SLC39A11: variants seen among roughly 807,000 people sequenced by gnomAD.
SLC39A11 encodes zinc transporter ZIP11.
Under a neutral mutation model 36.1 loss-of-function variants are expected in SLC39A11, and 33 were observed. The observed-to-expected ratio is 0.91, with a 90% CI of 0.69 to 1.22. SLC39A11 has a LOEUF of 1.22. SLC39A11 is among the 50% of genes most tolerant of loss of function. SLC39A11 has a pLI of 0.00. For synonymous variants in SLC39A11, 166 were observed against 170.3 expected, an observed-to-expected ratio of 0.97 and a Z score of 0.20; for missense variants, 432 against 430.3, an observed-to-expected ratio of 1.00 and a Z score of -0.03.
At chr17:72,900,214 A>AAGG (rs2082316571) in intron 5 of SLC39A11, among the ~76,000 whole-genome samples, 1 of 151,522 alleles carries the variant, frequency 6.6e-6, no homozygotes, top group Non-Finnish European at 1.5e-5. Flanking sequence ...AGAAAGAAAG[A>AAGG]AAGAAAGAAA....
At chr17:72,796,283 C>T (rs568847004) in intron 6 of SLC39A11, among the ~76,000 whole-genome samples, 4 of 152,236 alleles carry the variant, frequency 2.6e-5, no homozygotes, top group African/African-American at 9.6e-5. Flanking sequence ...TCTCATCGTC[C>T]TCTTGGTAGC....
At chr17:72,816,442 A>C (rs528705480) in intron 6 of SLC39A11, among the ~76,000 whole-genome samples, 178 of 55,608 alleles carry the variant, frequency 3.2e-3, no homozygotes, top group Admixed American at 8.6e-3. Flanking sequence ...TCCCTTTCTT[A>C]ATTAGAAGCG....
At chr17:72,675,335 G>A (rs753145831) in intron 7 of SLC39A11, among the ~76,000 whole-genome samples, 3 of 152,136 alleles carry the variant, frequency 2.0e-5, no homozygotes, top group Non-Finnish European at 4.4e-5. Flanking sequence ...CACCATCTAC[G>A]AACCAGCAAG....
At chr17:73,080,688 T>C (rs1302356681) in intron 3 of SLC39A11, among the ~76,000 whole-genome samples, 1 of 152,176 alleles carries the variant, frequency 6.6e-6, no homozygotes, top group Non-Finnish European at 1.5e-5. Flanking sequence ...CTCACACCTG[T>C]GGTCCCAGCA....
chr17:72,696,601 C>T (rs2567513), intron 7 of SLC39A11, among the ~76,000 whole-genome samples: 123,830 of 152,026 alleles, frequency 0.81, 50,543 homozygotes, highest in South Asian at 0.87. Flanking sequence ...CCACGCTCCT[C>T]AGAGAAGCAT....
intron 7 of SLC39A11, among the ~76,000 whole-genome samples, chr17:72,649,807 G>A (rs1183305641): frequency 6.6e-6 from 1 of 151,962 alleles, no homozygotes; most frequent in Non-Finnish European, 1.5e-5. Context: ...TGGCCAGGCT[G>A]GTCTCCAACT....
At chr17:73,047,149 C>T (rs964165720) in intron 3 of SLC39A11, among the ~76,000 whole-genome samples, 13 of 151,774 alleles carry the variant, frequency 8.6e-5, no homozygotes, top group Non-Finnish European at 2.9e-5. Context: ...CTCAGCCTCC[C>T]GAGTAGCTGG....
At chr17:72,776,667 A>C (rs2076145655) in intron 6 of SLC39A11, among the ~76,000 whole-genome samples, 1 of 150,630 alleles carries the variant, frequency 6.6e-6, no homozygotes, top group African/African-American at 2.5e-5. Flanking sequence ...TGCTAGACAG[A>C]GGAAGAGAGA....
At chr17:72,805,138 T>G (rs2077209301) in intron 6 of SLC39A11, among the ~76,000 whole-genome samples, 1 of 152,292 alleles carries the variant, frequency 6.6e-6, no homozygotes, top group Admixed American at 6.5e-5. Context: ...ACCGCCCTCC[T>G]GTGTGTGTAA....
rs1219542528 is a variant in SLC39A11 at position 73,008,818 on chromosome 17, C to G, written c.306+22738G>C. 2.0e-5 allele frequency among the ~76,000 whole-genome samples: 3 copies of G among 152,118 alleles called. No individual in the cohort carries two copies. In the East Asian group the frequency reaches 5.8e-4, roughly 29 times the overall value. Reference sequence around the variant, plus strand: ...CCTGTAATCCCAGCACTTTGGGAGGCTGATGTGGAAGGATCACTTGGGCCC... The same window carrying G: ...CCTGTAATCCCAGCACTTTGGGAGGGTGATGTGGAAGGATCACTTGGGCCC... On this transcript the variant is annotated intron_variant, in intron 4 of 9. Transcript: ENST00000255559.
chr17:72,810,084 CAA>C (rs10708067), intron 6 of SLC39A11, among the ~76,000 whole-genome samples: 2,571 of 136,606 alleles, frequency 0.019, 54 homozygotes, highest in African/African-American at 0.043. Flanking sequence ...ACAAAAACAA[CAA>C]AAAAAAAAAA....
intron 4 of SLC39A11, among the ~76,000 whole-genome samples, chr17:73,025,295 T>C (rs2058497283): frequency 6.6e-6 from 1 of 152,006 alleles, no homozygotes; most frequent in Admixed American, 6.6e-5. Context: ...CTCAAGATAC[T>C]GAATACCAAG....
At chr17:72,716,992 T>TAC (rs367641582) in intron 7 of SLC39A11, among the ~76,000 whole-genome samples, 11,952 of 126,224 alleles carry the variant, frequency 0.095, 671 homozygotes, top group Non-Finnish European at 0.13. Flanking sequence ...TATATATATA[T>TAC]ACACACACAC....
intron 6 of SLC39A11, among the ~76,000 whole-genome samples, chr17:72,835,699 G>A (rs990617729): frequency 6.6e-6 from 1 of 152,200 alleles, no homozygotes. Flanking sequence ...GAGTTCAAGT[G>A]ATCTGCATGC....
At chr17:72,728,890 C>T (rs972964644) in intron 7 of SLC39A11, among the ~76,000 whole-genome samples, 2 of 152,122 alleles carry the variant, frequency 1.3e-5, no homozygotes, top group East Asian at 1.9e-4. Flanking sequence ...CTCCCTTCCA[C>T]GCGACAACAA....
chr17:72,775,208 CCAAGCCTAGAGCA>C (rs2076092784), intron 6 of SLC39A11, among the ~76,000 whole-genome samples: 1 of 152,134 alleles, frequency 6.6e-6, no homozygotes, highest in South Asian at 2.1e-4. Flanking sequence ...GTCTGTGGTC[CCAAGCCTAGAGCA>C]CCACTGAGGA....
At chr17:72,835,103 C>T (rs918955402) in intron 6 of SLC39A11, among the ~76,000 whole-genome samples, 4 of 152,248 alleles carry the variant, frequency 2.6e-5, no homozygotes, top group African/African-American at 9.6e-5. Flanking sequence ...CTACCGGCTT[C>T]TGCCTCAGTG....
chr17:72,878,725 A>T (rs1191991927), intron 5 of SLC39A11, among the ~76,000 whole-genome samples: 1 of 152,176 alleles, frequency 6.6e-6, no homozygotes, highest in Non-Finnish European at 1.5e-5. Context: ...TACTTCTATG[A>T]CCTCTGGTCA....
chr17:72,985,903 T>C (rs188732010), intron 4 of SLC39A11, among the ~76,000 whole-genome samples: 1 of 152,222 alleles, frequency 6.6e-6, no homozygotes, highest in East Asian at 1.9e-4. Context: ...TTCAATATGA[T>C]TTTTTCCTTA....
Sources: allele counts gnomAD v4.1 joint callset (sites outside exome capture counted in the v4.1 genomes callset), GRCh38; gene constraint gnomAD v4.1.1; transcripts MANE v1.5; gene names NCBI Gene and HGNC (gene_info 2026-07-23, HGNC 2026-07-21).